PDE7B: variants seen among roughly 807,000 people sequenced by gnomAD.
PDE7B encodes 3',5'-cyclic-AMP phosphodiesterase 7B.
In PDE7B, 29 loss-of-function variants were observed where a neutral mutation model predicts 56.2. The ratio of observed to expected loss-of-function variants is 0.52; its 90% CI spans 0.38 to 0.70. PDE7B has a LOEUF of 0.70. PDE7B is among the 30% of genes least tolerant of loss of function. PDE7B has a pLI of 0.00. For synonymous variants in PDE7B, 197 were observed against 196.9 expected, an observed-to-expected ratio of 1.00 and a Z score of 0.00; for missense variants, 490 against 565.0, an observed-to-expected ratio of 0.87 and a Z score of 1.35.
At chr6:135,883,520 T>C (rs1775648070) in intron 1 of PDE7B, among the ~76,000 whole-genome samples, 2 of 152,214 alleles carry the variant, frequency 1.3e-5, no homozygotes, top group South Asian at 4.1e-4. Flanking sequence ...TGATGTTTAT[T>C]GCTTAAAATA....
At chr6:135,991,583 C>T (rs575814633) in intron 2 of PDE7B, among the ~76,000 whole-genome samples, 1 of 152,216 alleles carries the variant, frequency 6.6e-6, no homozygotes, top group East Asian at 1.9e-4. Flanking sequence ...AGGAGAAAGC[C>T]TTTGGGTCCA....
rs912187439 is a variant in PDE7B at position 135,882,334 on chromosome 6, TAA to T, written c.21+30320_21+30321del. On this transcript the variant is annotated intron_variant, in intron 1 of 12. Transcript: ENST00000308191. ...ATACTATGAACCTCATGTAAAAAAA[TAA>T]AAAAGTCTTCAACTAAGTAAAAATT... 2.0e-5 allele frequency among the ~76,000 whole-genome samples: 3 copies of T among 152,270 alleles called. 1 individual carries two copies. The highest frequency in any genetic ancestry group is 2.0e-4 in the Admixed American group (3 of 15,292).
At chr6:136,073,701 C>T (rs1022155737) in intron 2 of PDE7B, among the ~76,000 whole-genome samples, 5 of 152,196 alleles carry the variant, frequency 3.3e-5, no homozygotes, top group Admixed American at 1.3e-4. Flanking sequence ...AGGATTTTAA[C>T]ATACGAATTT....
chr6:136,176,429 G>A (rs1299106130), intron 9 of PDE7B, among the ~76,000 whole-genome samples: 2 of 151,936 alleles, frequency 1.3e-5, no homozygotes, highest in Non-Finnish European at 2.9e-5. Flanking sequence ...TTTGTTTGTA[G>A]CATTAAAAAG....
At chr6:135,965,616 C>T (rs1363177203) in intron 2 of PDE7B, among the ~76,000 whole-genome samples, 1 of 152,124 alleles carries the variant, frequency 6.6e-6, no homozygotes, top group Non-Finnish European at 1.5e-5. Flanking sequence ...TGCAGGGAAA[C>T]TCCCCTTTAT....
intron 2 of PDE7B, among the ~76,000 whole-genome samples, chr6:136,095,182 C>T (rs1376533485): frequency 6.6e-6 from 1 of 152,036 alleles, no homozygotes; most frequent in Non-Finnish European, 1.5e-5. Context: ...TTTGATAACA[C>T]CCTTTAATTC....
chr6:135,857,623 T>C (rs568756298), intron 1 of PDE7B, among the ~76,000 whole-genome samples: 1 of 152,270 alleles, frequency 6.6e-6, no homozygotes, highest in East Asian at 1.9e-4. Flanking sequence ...CTCTAGCAAA[T>C]CTTTGTCTAA....
intron 1 of PDE7B, among the ~76,000 whole-genome samples, chr6:135,873,208 A>G (rs761703390): frequency 2.0e-5 from 3 of 152,262 alleles, no homozygotes; most frequent in Admixed American, 1.3e-4. Context: ...TTTCTCTACC[A>G]CAAGTTTCTA....
At chr6:136,190,519 G>A (rs1425375828) in intron 12 of PDE7B, among the ~76,000 whole-genome samples, 3 of 152,072 alleles carry the variant, frequency 2.0e-5, no homozygotes, top group African/African-American at 7.2e-5. Flanking sequence ...GGAAATTTTT[G>A]TTAGGCTGAA....
intron 8 of PDE7B, among the ~76,000 whole-genome samples, chr6:136,173,151 T>A (rs141851011): frequency 3.9e-5 from 6 of 152,154 alleles, no homozygotes; most frequent in African/African-American, 1.4e-4. Flanking sequence ...TGGAAAAAAC[T>A]ACTTTAAAGT....
At chr6:136,119,507 C>T (rs1021190078) in intron 3 of PDE7B, among the ~76,000 whole-genome samples, 2 of 152,020 alleles carry the variant, frequency 1.3e-5, no homozygotes, top group Non-Finnish European at 2.9e-5. Context: ...ATTTAACAGG[C>T]CTAAATTGGA....
chr6:135,937,419 A>G (rs1774441209), intron 1 of PDE7B, among the ~76,000 whole-genome samples: 1 of 152,010 alleles, frequency 6.6e-6, no homozygotes, highest in African/African-American at 2.4e-5. Flanking sequence ...GGTTATCTGA[A>G]TCCCATTCCC....
intron 2 of PDE7B, among the ~76,000 whole-genome samples, chr6:135,973,506 G>A (rs555226816): frequency 1.6e-4 from 24 of 152,252 alleles, no homozygotes; most frequent in Admixed American, 1.5e-3. Flanking sequence ...GGGGTTGCAG[G>A]ATAGTATTAT....
intron 1 of PDE7B, among the ~76,000 whole-genome samples, chr6:135,872,512 T>G (rs1398034363): frequency 2.0e-5 from 3 of 152,218 alleles, no homozygotes; most frequent in Non-Finnish European, 4.4e-5. Flanking sequence ...GTATGTCAAA[T>G]GCAAGTGTTC....
chr6:136,130,402 GC>G (rs1271562275), intron 3 of PDE7B, among the ~76,000 whole-genome samples: 1 of 152,078 alleles, frequency 6.6e-6, no homozygotes. Flanking sequence ...TATACCAGGT[GC>G]CATCTTGCCT....
intron 5 of PDE7B, among the ~76,000 whole-genome samples, chr6:136,149,738 A>G (rs1778480636): frequency 6.6e-6 from 1 of 152,208 alleles, no homozygotes; most frequent in African/African-American, 2.4e-5. Flanking sequence ...AAAACCTATT[A>G]TATTTTTATC....
intron 1 of PDE7B, among the ~76,000 whole-genome samples, chr6:135,931,889 G>A (rs764730931): frequency 2.6e-5 from 4 of 151,958 alleles, no homozygotes; most frequent in Non-Finnish European, 5.9e-5. Context: ...GTACAATGAG[G>A]TGGCGGGAGT....
intron 3 of PDE7B, among the ~76,000 whole-genome samples, chr6:136,146,831 A>G (rs1472576263): frequency 1.3e-5 from 2 of 152,196 alleles, no homozygotes; most frequent in Non-Finnish European, 2.9e-5. Context: ...GGCCTTCCAA[A>G]ATTACATTCT....
At chr6:136,067,162 T>G (rs890872416) in intron 2 of PDE7B, among the ~76,000 whole-genome samples, 3 of 152,300 alleles carry the variant, frequency 2.0e-5, no homozygotes, top group South Asian at 4.1e-4. Context: ...AACAACCATG[T>G]TTTTTCTCTG....
Sources: allele counts gnomAD v4.1 joint callset (sites outside exome capture counted in the v4.1 genomes callset), GRCh38; gene constraint gnomAD v4.1.1; transcripts MANE v1.5; gene names NCBI Gene and HGNC (gene_info 2026-07-23, HGNC 2026-07-21).